Variants in WDR70 observed in about 807,000 individuals in gnomAD.
WDR70 encodes WD repeat-containing protein 70.
WDR70 carries 53 observed loss-of-function variants against 88.6 expected under a neutral mutation model. The ratio of observed to expected loss-of-function variants is 0.60; its 90% CI spans 0.48 to 0.75. WDR70 has a LOEUF of 0.75. Among genes scored for constraint, WDR70 ranks in the 30% least tolerant of loss-of-function variants. WDR70 has a pLI of 0.00. For synonymous variants in WDR70, 280 were observed against 270.0 expected, an observed-to-expected ratio of 1.04 and a Z score of -0.36; for missense variants, 610 against 823.2, an observed-to-expected ratio of 0.74 and a Z score of 3.17.
rs749692464 is a variant in WDR70 at position 37,396,351 on chromosome 5, G to C, written c.297-24G>C. 1.9e-6 allele frequency: 3 copies of C among 1,582,316 alleles called. No homozygotes were observed. The Admixed American group carries it at 5.5e-5, about 29-fold the overall frequency. On this transcript the variant is annotated intron_variant, in intron 4 of 17. Coordinates refer to ENST00000265107, the MANE Select transcript of WDR70 (RefSeq NM_018034.4). ...TGCTCTTCATTGCAGCAGAGGCAAAGAGTTTCTGTTTCTGTATTTTCAGGG... is the reference window on the plus strand; with the variant it reads ...TGCTCTTCATTGCAGCAGAGGCAAACAGTTTCTGTTTCTGTATTTTCAGGG...
chr5:37,614,439 A>G (rs529514924), intron 10 of WDR70, among the ~76,000 whole-genome samples: 1 of 152,312 alleles, frequency 6.6e-6, no homozygotes, highest in Admixed American at 6.5e-5. Context: ...TTTGCCTCAT[A>G]AGGTAATATA....
chr5:37,698,217 A>T (rs919816653), intron 11 of WDR70, among the ~76,000 whole-genome samples: 2 of 152,192 alleles, frequency 1.3e-5, no homozygotes, highest in African/African-American at 2.4e-5. Context: ...TGAGATTTTT[A>T]AAAACAGTTC....
chr5:37,598,254 C>T (rs944516337), intron 9 of WDR70, among the ~76,000 whole-genome samples: 1 of 152,140 alleles, frequency 6.6e-6, no homozygotes, highest in Non-Finnish European at 1.5e-5. Context: ...AATAACTGAA[C>T]ATCACAAATA....
At chr5:37,505,979 A>G in intron 8 of WDR70, 1 of 1,587,816 alleles carries the variant, frequency 6.3e-7, no homozygotes, top group Admixed American at 1.7e-5. Flanking sequence ...CCTCAAAATT[A>G]CACAGTTTCA....
chr5:37,502,058 T>C (rs1291707316), intron 8 of WDR70, among the ~76,000 whole-genome samples: 1 of 152,230 alleles, frequency 6.6e-6, no homozygotes, highest in Non-Finnish European at 1.5e-5. Flanking sequence ...GTTCTTGCAA[T>C]TGATGAGCAT....
At chr5:37,502,332 A>G (rs1356065767) in intron 8 of WDR70, among the ~76,000 whole-genome samples, 2 of 152,090 alleles carry the variant, frequency 1.3e-5, no homozygotes, top group Non-Finnish European at 2.9e-5. Flanking sequence ...AGTGTGGTAA[A>G]AGTGGGCAAC....
At chr5:37,718,558 G>A (rs532574621) in intron 13 of WDR70, among the ~76,000 whole-genome samples, 6 of 152,206 alleles carry the variant, frequency 3.9e-5, no homozygotes, top group East Asian at 1.9e-4. Context: ...TTTGACAGCC[G>A]CTTTCATTAT....
intron 9 of WDR70, among the ~76,000 whole-genome samples, chr5:37,593,001 A>G (rs1311014396): frequency 2.0e-5 from 3 of 152,210 alleles, no homozygotes; most frequent in Non-Finnish European, 4.4e-5. Flanking sequence ...TACAAAAAAT[A>G]AAAACTAGCC....
chr5:37,669,537 A>G (rs1745961347), intron 10 of WDR70, among the ~76,000 whole-genome samples: 1 of 152,106 alleles, frequency 6.6e-6, no homozygotes, highest in South Asian at 2.1e-4. Flanking sequence ...GCAATGAGTG[A>G]GGCAGTCCCA....
intron 8 of WDR70, among the ~76,000 whole-genome samples, chr5:37,501,466 A>G (rs781691592): frequency 7.9e-5 from 12 of 152,192 alleles, no homozygotes; most frequent in Non-Finnish European, 1.2e-4. Context: ...GTCTTGGGAC[A>G]CACATAAAAT....
chr5:37,601,482 T>C (rs961411620), intron 9 of WDR70, among the ~76,000 whole-genome samples: 1 of 152,246 alleles, frequency 6.6e-6, no homozygotes, highest in Non-Finnish European at 1.5e-5. Context: ...TCTGTAGCTT[T>C]CTTTTTTATA....
At chr5:37,566,014 G>A (rs1679070170) in intron 9 of WDR70, among the ~76,000 whole-genome samples, 1 of 152,046 alleles carries the variant, frequency 6.6e-6, no homozygotes, top group African/African-American at 2.4e-5. Context: ...ATACAATTCA[G>A]TGTTTTTTAG....
At chr5:37,668,976 C>T (rs1274627957) in intron 10 of WDR70, among the ~76,000 whole-genome samples, 1 of 152,194 alleles carries the variant, frequency 6.6e-6, no homozygotes, top group Non-Finnish European at 1.5e-5. Context: ...TGCACACTCT[C>T]TTTCTCATTT....
intron 10 of WDR70, among the ~76,000 whole-genome samples, chr5:37,677,132 T>C (rs1161731424): frequency 6.6e-6 from 1 of 152,154 alleles, no homozygotes; most frequent in East Asian, 1.9e-4. Flanking sequence ...TCTTTTCTTC[T>C]TTATTAGTCT....
At chr5:37,701,250 G>T in intron 12 of WDR70, 108 bp downstream of exon 12, 1 of 700,932 alleles carries the variant, frequency 1.4e-6, no homozygotes, top group Non-Finnish European at 2.3e-6. Context: ...CTGGAAAAGA[G>T]ACTTGAGAGA....
At chr5:37,642,187 A>T (rs1227152355) in intron 10 of WDR70, among the ~76,000 whole-genome samples, 3 of 152,102 alleles carry the variant, frequency 2.0e-5, no homozygotes. Context: ...TAGCCCTCTG[A>T]TACCATCCCT....
chr5:37,696,181 G>A (rs187289806), intron 10 of WDR70, among the ~76,000 whole-genome samples: 27 of 152,182 alleles, frequency 1.8e-4, no homozygotes, highest in African/African-American at 6.0e-4. Flanking sequence ...CATACATACA[G>A]TTGATATCCA....
chr5:37,679,962 C>G (rs1343539128), intron 10 of WDR70, among the ~76,000 whole-genome samples: 1 of 152,264 alleles, frequency 6.6e-6, no homozygotes, highest in Non-Finnish European at 1.5e-5. Flanking sequence ...CCCAGCCTCA[C>G]TGCCACCTTG....
chr5:37,643,799 A>G (rs1478786317), intron 10 of WDR70, among the ~76,000 whole-genome samples: 2 of 152,002 alleles, frequency 1.3e-5, no homozygotes, highest in African/African-American at 2.4e-5. Context: ...TGATGGTAGC[A>G]TATAGTAATG....
Sources: gnomAD v4.1 joint callset for allele counts (sites outside exome capture counted in the v4.1 genomes callset) on GRCh38, gnomAD v4.1.1 for gene constraint, MANE v1.5 for transcripts, NCBI Gene and HGNC (gene_info 2026-07-23, HGNC 2026-07-21) for gene names.